The following SNX29 variants were observed in gnomAD, a reference collection of about 807,000 sequenced individuals.
SNX29 encodes sorting nexin 29, also known as sorting nexin-29.
A neutral mutation model predicts 102.1 loss-of-function variants in SNX29; 78 were observed. The ratio of observed to expected loss-of-function variants is 0.76; its 90% CI spans 0.64 to 0.92. SNX29 has a LOEUF of 0.92. Ranked by LOEUF, SNX29 falls within the 40% of genes least tolerant of loss-of-function variation. The pLI is 0.00. For synonymous variants in SNX29, 580 were observed against 414.5 expected (o/e 1.40, Z -4.85); for missense variants, 1,280 against 1,061.7 (o/e 1.21, Z -2.86).
In SNX29 at chr16:11,983,549, T is replaced by A. The variant is rs2055477101; in HGVS notation, c.7+6736T>A. ...GTAGAAAAGTGATGCTATCAACATT[T>A]TTTCCCCCTTGTGAAGGCACTGGAT... On this transcript the variant is annotated intron_variant, in intron 1 of 20. Coordinates refer to ENST00000566228, the MANE Select transcript of SNX29 (RefSeq NM_032167.5). The A allele has an allele frequency of 7.1e-6, 4 of 566,370 alleles. No homozygotes were observed. The South Asian group carries it at 3.1e-4, about 44-fold the overall frequency. 35.1% of individuals were successfully genotyped at this position (566,370 alleles called of 1,614,324 possible).
intron 19 of SNX29, among the ~76,000 whole-genome samples, chr16:12,519,967 G>C (rs948824749): frequency 6.6e-6 from 1 of 152,072 alleles, no homozygotes; most frequent in African/African-American, 2.4e-5. Flanking sequence ...CTGGGCGACA[G>C]AGCGAGACTC....
intron 16 of SNX29, among the ~76,000 whole-genome samples, chr16:12,384,381 T>G (rs1015293692): frequency 6.6e-6 from 1 of 152,212 alleles, no homozygotes; most frequent in Non-Finnish European, 1.5e-5. Flanking sequence ...CGCCAGCATT[T>G]GTTACTGCCT....
At chr16:12,529,929 C>T (rs1183668196) in intron 20 of SNX29, among the ~76,000 whole-genome samples, 18 of 152,172 alleles carry the variant, frequency 1.2e-4, no homozygotes, top group African/African-American at 1.4e-4. Context: ...AAGTCCTCAG[C>T]GTTACCCAGT....
intron 14 of SNX29, among the ~76,000 whole-genome samples, chr16:12,240,428 C>T (rs1201547430): frequency 6.6e-6 from 1 of 152,050 alleles, no homozygotes; most frequent in Non-Finnish European, 1.5e-5. Flanking sequence ...TTCAATTTTT[C>T]CAGGACTATT....
At chr16:12,416,265 G>A (rs1430536031) in intron 18 of SNX29, among the ~76,000 whole-genome samples, 2 of 152,124 alleles carry the variant, frequency 1.3e-5, no homozygotes, top group Non-Finnish European at 2.9e-5. Context: ...CGCAAGCAGA[G>A]CCCCGGGGCT....
At chr16:12,145,659 TTTATA>T (rs756315108) in intron 13 of SNX29, among the ~76,000 whole-genome samples, 111 of 152,348 alleles carry the variant, frequency 7.3e-4, no homozygotes, top group Admixed American at 1.4e-3. Context: ...ATATATGTAT[TTTATA>T]TAATTCAGGT....
At chr16:12,093,439 C>G (rs1182199681) in intron 11 of SNX29, among the ~76,000 whole-genome samples, 1 of 149,984 alleles carries the variant, frequency 6.7e-6, no homozygotes, top group Non-Finnish European at 1.5e-5. Flanking sequence ...GTGAGACCCC[C>G]TCTCTTTACA....
intron 20 of SNX29, among the ~76,000 whole-genome samples, chr16:12,541,090 C>CCA (rs1265102909): frequency 1.3e-5 from 2 of 152,168 alleles, no homozygotes; most frequent in African/African-American, 4.8e-5. Flanking sequence ...CCTCATGCAT[C>CCA]CACTCCAGGT....
At chr16:12,076,927 G>A in intron 10 of SNX29, among the ~76,000 whole-genome samples, 1 of 152,186 alleles carries the variant, frequency 6.6e-6, no homozygotes, top group Non-Finnish European at 1.5e-5. Context: ...GTGTCAGAAG[G>A]AATTGGTGTT....
At chr16:12,243,827 G>C (rs923978920) in intron 14 of SNX29, among the ~76,000 whole-genome samples, 7 of 152,192 alleles carry the variant, frequency 4.6e-5, no homozygotes, top group Non-Finnish European at 1.0e-4. Context: ...CTGCATCAGA[G>C]ACTCATGCGG....
At chr16:12,356,694 T>G (rs963657467) in intron 16 of SNX29, among the ~76,000 whole-genome samples, 5 of 152,244 alleles carry the variant, frequency 3.3e-5, no homozygotes, top group Non-Finnish European at 5.9e-5. Context: ...TTGAATATTG[T>G]GGTTTGAGGA....
intron 20 of SNX29, among the ~76,000 whole-genome samples, chr16:12,556,063 CTTA>C (rs939367071): frequency 1.3e-5 from 2 of 151,378 alleles, no homozygotes; most frequent in African/African-American, 4.8e-5. Context: ...GGGTGCTTTT[CTTA>C]TTAATCTTAT....
chr16:12,344,836 A>G (rs879820596), intron 15 of SNX29, among the ~76,000 whole-genome samples: 2 of 152,216 alleles, frequency 1.3e-5, no homozygotes, highest in Non-Finnish European at 2.9e-5. Context: ...TGGGAAATCA[A>G]TAGCCGTCCT....
intron 13 of SNX29, among the ~76,000 whole-genome samples, chr16:12,173,745 T>C (rs2076201076): frequency 6.6e-6 from 1 of 152,200 alleles, no homozygotes; most frequent in African/African-American, 2.4e-5. Flanking sequence ...TTAATGCGAT[T>C]TGATCCCCTT....
intron 15 of SNX29, among the ~76,000 whole-genome samples, chr16:12,289,013 C>T (rs930953596): frequency 6.6e-6 from 1 of 152,122 alleles, no homozygotes; most frequent in Non-Finnish European, 1.5e-5. Context: ...CTAAGTGGAG[C>T]CAGGAAAATG....
At chr16:12,106,158 C>T (rs934954327) in intron 11 of SNX29, among the ~76,000 whole-genome samples, 1 of 152,206 alleles carries the variant, frequency 6.6e-6, no homozygotes, top group Non-Finnish European at 1.5e-5. Context: ...TGAGTTTCAT[C>T]TGCTCACCCC....
intron 15 of SNX29, among the ~76,000 whole-genome samples, chr16:12,343,743 G>C (rs1398161403): frequency 1.3e-5 from 2 of 152,080 alleles, no homozygotes; most frequent in Non-Finnish European, 2.9e-5. Context: ...CAGGGTCCTT[G>C]TCACACTGAT....
chr16:12,066,152 C>A (rs1203512479), intron 9 of SNX29, among the ~76,000 whole-genome samples: 1 of 152,140 alleles, frequency 6.6e-6, no homozygotes, highest in African/African-American at 2.4e-5. Context: ...CTGTGGATTT[C>A]CACTCTGCAT....
At chr16:12,171,234 A>G (rs2076142942) in intron 13 of SNX29, among the ~76,000 whole-genome samples, 1 of 151,912 alleles carries the variant, frequency 6.6e-6, no homozygotes, top group African/African-American at 2.4e-5. Flanking sequence ...TGCCCACACT[A>G]TCTTCACGTG....
Sources: gnomAD v4.1 joint callset for allele counts (sites outside exome capture counted in the v4.1 genomes callset) on GRCh38, gnomAD v4.1.1 for gene constraint, MANE v1.5 for transcripts, NCBI Gene and HGNC (gene_info 2026-07-23, HGNC 2026-07-21) for gene names.